The following EFCAB3 variants were observed in gnomAD, a reference collection of about 807,000 sequenced individuals.
EFCAB3 encodes EF-hand calcium binding domain 3, also known as EF-hand calcium-binding domain-containing protein 3.
Under a neutral mutation model 42.2 loss-of-function variants are expected in EFCAB3, and 36 were observed. The observed-to-expected ratio is 0.85, with a 90% CI of 0.65 to 1.13. The LOEUF (loss-of-function observed/expected upper bound fraction) is 1.13. Among genes scored for constraint, EFCAB3 ranks in the 50% most tolerant of loss-of-function variants. The pLI is 0.00. For missense variants in EFCAB3, 418 were observed against 505.1 expected (o/e 0.83, Z 1.65); for synonymous variants, 170 against 172.8 (o/e 0.98, Z 0.13).
chr17:62,373,834 A>G (rs767078931), exon 2 of EFCAB3: 1 of 1,509,938 alleles, frequency 6.6e-7, no homozygotes, highest in South Asian at 1.2e-5. Flanking sequence ...GATTAATGTT[A>G]ATTCAATAAT....
chr17:62,386,124 T>C (rs7213563), intron 2 of EFCAB3, among the ~76,000 whole-genome samples: 6,024 of 152,184 alleles, frequency 0.04, 393 homozygotes, highest in African/African-American at 0.14. Flanking sequence ...ACTAAATGCA[T>C]TTTAAATAAA....
intron 6 of EFCAB3, among the ~76,000 whole-genome samples, chr17:62,399,470 G>A (rs545683145): frequency 6.7e-4 from 102 of 151,884 alleles, no homozygotes; most frequent in African/African-American, 2.3e-3. Context: ...CTGGCCCCAA[G>A]CCAAAGCCTT....
At chr17:62,402,330 A>C (rs973551780) in intron 6 of EFCAB3, among the ~76,000 whole-genome samples, 2 of 152,150 alleles carry the variant, frequency 1.3e-5, no homozygotes, top group African/African-American at 4.8e-5. Context: ...CACTATGTTG[A>C]ATAGGATTGG....
At chr17:62,399,084 A>G (rs112792579) in intron 6 of EFCAB3, among the ~76,000 whole-genome samples, 6 of 151,642 alleles carry the variant, frequency 4.0e-5, no homozygotes, top group African/African-American at 1.5e-4. Context: ...TGACTCCTTG[A>G]CTCCTACAGC....
chr17:62,381,735 A>T (rs1312351844), intron 1 of EFCAB3: 2 of 305,052 alleles, frequency 6.6e-6, no homozygotes, highest in African/African-American at 4.4e-5. Flanking sequence ...AGCCAAAGAC[A>T]TCAAGAGGAT....
At chr17:62,370,665 A>G (rs2070108485) in intron 1 of EFCAB3, among the ~76,000 whole-genome samples, 1 of 152,048 alleles carries the variant, frequency 6.6e-6, no homozygotes, top group Non-Finnish European at 1.5e-5. Context: ...TCAAAAAAAA[A>G]AAAGAAGAAG....
At chr17:62,403,538 C>A (rs1023728923) in intron 6 of EFCAB3, among the ~76,000 whole-genome samples, 1 of 152,188 alleles carries the variant, frequency 6.6e-6, no homozygotes, top group Non-Finnish European at 1.5e-5. Context: ...TTCTAAAAAG[C>A]CTACAGTGAC....
intron 8 of EFCAB3, among the ~76,000 whole-genome samples, chr17:62,410,258 A>G (rs994515061): frequency 1.3e-5 from 2 of 152,164 alleles, no homozygotes; most frequent in African/African-American, 4.8e-5. Context: ...ACAGTGCCTC[A>G]TGCCTATAAT....
At chr17:62,395,336 T>C (rs760012640) in intron 6 of EFCAB3, 148 bp downstream of exon 6, 4 of 1,036,420 alleles carry the variant, frequency 3.9e-6, no homozygotes, top group Non-Finnish European at 4.1e-6. Context: ...GCCCTTGTGC[T>C]ACAACATGAG....
upstream of EFCAB3, among the ~76,000 whole-genome samples, chr17:62,379,061 G>C (rs976876770): frequency 2.0e-5 from 3 of 152,108 alleles, no homozygotes; most frequent in Non-Finnish European, 4.4e-5. Flanking sequence ...CCACAGAATA[G>C]GGAAAAATAT....
intron 8 of EFCAB3, among the ~76,000 whole-genome samples, chr17:62,408,828 G>A (rs899220247): frequency 6.6e-5 from 10 of 152,042 alleles, no homozygotes; most frequent in East Asian, 1.9e-4. Context: ...CAGACTAGAC[G>A]TGCTCTCACA....
intron 3 of EFCAB3, among the ~76,000 whole-genome samples, chr17:62,389,249 G>T (rs2070282097): frequency 6.6e-6 from 1 of 152,228 alleles, no homozygotes; most frequent in South Asian, 2.1e-4. Context: ...ACTAGGGCAG[G>T]GAAGTAGTGT....
chr17:62,379,595 T>A (rs926432763), upstream of EFCAB3, among the ~76,000 whole-genome samples: 19 of 152,100 alleles, frequency 1.2e-4, no homozygotes, highest in African/African-American at 4.1e-4. Context: ...ATTATGCTCA[T>A]AATGAACAAA....
At chr17:62,379,062 G>A (rs2070174147), upstream of EFCAB3, among the ~76,000 whole-genome samples, 1 of 151,982 alleles carries the variant, frequency 6.6e-6, no homozygotes. Flanking sequence ...CACAGAATAG[G>A]GAAAAATATC....
chr17:62,380,318 A>G (rs1292058428), upstream of EFCAB3, among the ~76,000 whole-genome samples: 4 of 152,232 alleles, frequency 2.6e-5, no homozygotes, highest in African/African-American at 7.2e-5. Context: ...AGACATTAAC[A>G]TGAAAATATA....
chr17:62,407,463 C>A (rs1034827238), intron 8 of EFCAB3, among the ~76,000 whole-genome samples: 7 of 152,094 alleles, frequency 4.6e-5, no homozygotes, highest in South Asian at 2.1e-4. Context: ...ATAAAATTTT[C>A]TCCAATCCTA....
intron 8 of EFCAB3, among the ~76,000 whole-genome samples, chr17:62,410,021 G>T (rs2070481641): frequency 6.6e-6 from 1 of 151,884 alleles, no homozygotes; most frequent in Admixed American, 6.6e-5. Context: ...CCAACATGGA[G>T]AAACTCCATC....
chr17:62,371,592 C>T (rs943907540), intron 1 of EFCAB3, among the ~76,000 whole-genome samples: 1 of 152,088 alleles, frequency 6.6e-6, no homozygotes, highest in Admixed American at 6.6e-5. Flanking sequence ...TTGTGCATGA[C>T]TTTCATTTCT....
intron 2 of EFCAB3, among the ~76,000 whole-genome samples, chr17:62,386,955 AT>A (rs202099393): frequency 0.041 from 6,163 of 151,414 alleles, 413 homozygotes; most frequent in African/African-American, 0.14. Flanking sequence ...CACCTGGCTA[AT>A]TTTTTTTTAT....
Sources: gnomAD v4.1 joint callset for allele counts (sites outside exome capture counted in the v4.1 genomes callset) on GRCh38, gnomAD v4.1.1 for gene constraint, MANE v1.5 for transcripts, NCBI Gene and HGNC (gene_info 2026-07-23, HGNC 2026-07-21) for gene names.